The following SLC26A5 variants were observed in gnomAD, a reference collection of about 807,000 sequenced individuals.
SLC26A5 encodes the protein prestin.
A neutral mutation model predicts 81.0 loss-of-function variants in SLC26A5; 51 were observed. The ratio of observed to expected loss-of-function variants is 0.63; its 90% CI spans 0.50 to 0.80. The LOEUF (loss-of-function observed/expected upper bound fraction) is 0.80, where lower values mean the gene tolerates loss of function less well. Among genes scored for constraint, SLC26A5 ranks in the 30% least tolerant of loss-of-function variants. SLC26A5 has a pLI of 0.00. For missense variants in SLC26A5, 771 were observed against 905.8 expected (o/e 0.85, Z 1.91); for synonymous variants, 325 against 332.8 (o/e 0.98, Z 0.25).
chr7:103,370,251 T>C (rs952365456), downstream of SLC26A5, among the ~76,000 whole-genome samples: 14 of 152,244 alleles, frequency 9.2e-5, no homozygotes, highest in African/African-American at 3.4e-4. Flanking sequence ...CAGTAAAGCA[T>C]ACAGGCTCAC....
intron 19 of SLC26A5, among the ~76,000 whole-genome samples, chr7:103,356,608 T>C (rs1053048443): frequency 5.9e-5 from 9 of 152,204 alleles, no homozygotes; most frequent in African/African-American, 2.2e-4. Context: ...TAAACATCTG[T>C]ATTTCTTTGA....
Position 103,376,872 on chromosome 7 carries a change from T to A in SLC26A5, c.1987-10A>T, listed in dbSNP as rs879750765. The A allele has an allele frequency of 3.8e-6, 6 of 1,576,696 alleles. No individual in the cohort carries two copies. Among genetic ancestry groups the A allele is most frequent in the Non-Finnish European group, 5.2e-6 (6 of 1,146,742 alleles). On this transcript the variant is annotated splice_polypyrimidine_tract_variant and intron_variant, in intron 18 of 19. Transcript: ENST00000306312. ...CATATTCTTTTACAATCTGTAATAATGTTGAAATAAAATTTAGTTTCTCTT... is the reference window on the plus strand; with the variant it reads ...CATATTCTTTTACAATCTGTAATAAAGTTGAAATAAAATTTAGTTTCTCTT...
chr7:103,358,431 A>C (rs1820167919), intron 19 of SLC26A5, among the ~76,000 whole-genome samples: 1 of 151,898 alleles, frequency 6.6e-6, no homozygotes, highest in Admixed American at 6.6e-5. Context: ...CTTATTCCTG[A>C]ATTCTCTTAT....
intron 2 of SLC26A5, among the ~76,000 whole-genome samples, chr7:103,421,988 A>C (rs1825388813): frequency 6.6e-6 from 1 of 152,204 alleles, no homozygotes; most frequent in African/African-American, 2.4e-5. Flanking sequence ...CCAATTCTAT[A>C]TTTATGGTTG....
At chr7:103,444,155 G>A (rs2116888075) in intron 1 of SLC26A5, among the ~76,000 whole-genome samples, 1 of 152,238 alleles carries the variant, frequency 6.6e-6, no homozygotes, top group East Asian at 1.9e-4. Flanking sequence ...CCAACAGAAT[G>A]GACTTACATA....
intron 8 of SLC26A5, among the ~76,000 whole-genome samples, chr7:103,403,918 C>T (rs556313826): frequency 6.6e-6 from 1 of 152,248 alleles, no homozygotes; most frequent in Admixed American, 6.5e-5. Flanking sequence ...TGCGGTGGCT[C>T]ACGCCTGTAA....
intron 19 of SLC26A5, chr7:103,364,458 G>T: frequency 1.2e-6 from 1 of 828,924 alleles, no homozygotes; most frequent in South Asian, 1.8e-5. Flanking sequence ...GCCCAGGCTG[G>T]AGTGCAGTGA....
intron 2 of SLC26A5, among the ~76,000 whole-genome samples, chr7:103,422,011 A>G (rs1488950631): frequency 6.6e-6 from 1 of 152,232 alleles, no homozygotes; most frequent in East Asian, 1.9e-4. Flanking sequence ...TACTCTTTAA[A>G]TTATTCTATG....
At chr7:103,432,936 G>A (rs1347393829) in intron 2 of SLC26A5, among the ~76,000 whole-genome samples, 1 of 152,156 alleles carries the variant, frequency 6.6e-6, no homozygotes, top group Non-Finnish European at 1.5e-5. Flanking sequence ...GAACCACAGA[G>A]GAAGTATAAT....
intron 14 of SLC26A5, among the ~76,000 whole-genome samples, chr7:103,386,642 T>C (rs550474979): frequency 6.6e-6 from 1 of 151,884 alleles, no homozygotes; most frequent in Non-Finnish European, 1.5e-5. Context: ...TAAATAAAAA[T>C]AAATAAAATT....
At chr7:103,416,462 T>G (rs1328217389) in intron 4 of SLC26A5, among the ~76,000 whole-genome samples, 1 of 152,258 alleles carries the variant, frequency 6.6e-6, no homozygotes, top group Non-Finnish European at 1.5e-5. Context: ...AGACTTTTAG[T>G]TAACCTTCTT....
At chr7:103,355,725 A>G in intron 19 of SLC26A5, 1 of 1,614,064 alleles carries the variant, frequency 6.2e-7, no homozygotes, top group Non-Finnish European at 8.5e-7. Context: ...GCCTGGCCCC[A>G]CCAGCACTCT....
intron 19 of SLC26A5, chr7:103,368,491 T>C (rs75807150): frequency 6.5e-6 from 1 of 154,254 alleles, no homozygotes; most frequent in Non-Finnish European, 1.4e-5. Flanking sequence ...CCTATGCTCC[T>C]ATTATCCGCT....
Position 103,377,626 on chromosome 7 carries a change from A to G in SLC26A5, c.1959T>C (p.Asp653=). ...CTGCCAGAGTTTTCACTCCAACAGA[A>G]TCAATAAAATTGACTTGAGTGAAAT... ...ILDFTQVNFI[D]SVGVKTLAGI... Residue 653 remains aspartate (D), a synonymous_variant, in exon 18 of 20, where the codon GAT becomes GAC. Coordinates refer to ENST00000306312, the MANE Select transcript of SLC26A5 (RefSeq NM_198999.3). 1 of 1,614,114 alleles carries G rather than the reference A, an allele frequency of 6.2e-7. No individual in the cohort carries two copies. The highest frequency in any genetic ancestry group is 8.5e-7 in the Non-Finnish European group (1 of 1,179,994).
At chr7:103,428,933 T>G (rs927555875) in intron 2 of SLC26A5, among the ~76,000 whole-genome samples, 1 of 152,192 alleles carries the variant, frequency 6.6e-6, no homozygotes, top group Non-Finnish European at 1.5e-5. Flanking sequence ...GTACTGTAGA[T>G]CTCTAGGATT....
chr7:103,388,190 A>G (rs1027728239), intron 14 of SLC26A5, among the ~76,000 whole-genome samples: 21 of 147,116 alleles, frequency 1.4e-4, no homozygotes, highest in African/African-American at 5.3e-4. Flanking sequence ...CCCAGCCCAT[A>G]AAGTTTTTTT....
At chr7:103,426,698 G>A (rs79441780) in intron 2 of SLC26A5, among the ~76,000 whole-genome samples, 4 of 152,060 alleles carry the variant, frequency 2.6e-5, no homozygotes, top group Admixed American at 2.0e-4. Context: ...TCCTTTCGGG[G>A]GACTTTTTAT....
At position 103,391,663 on chromosome 7, in the gene SLC26A5, A is replaced by C; in HGVS notation, c.1192T>G (p.Ser398Ala). The change falls in exon 11 of 20, where the codon TCT becomes GCT. Residue 398 changes from serine (S) to alanine (A), a missense_variant. Physicochemically the swap from Ser to Ala is moderately conservative, Grantham distance 99. Coordinates refer to ENST00000306312, the MANE Select transcript of SLC26A5 (RefSeq NM_198999.3). ...FQTFSISCSLSRSLVQEGTGG... is the reference protein window; with the variant it reads ...FQTFSISCSLARSLVQEGTGG... ...GTTCCCTCCTGAACAAGGCTTCGAG[A>C]CAAGGAGCATGAAATTGAAAAGGTC... 1 of 1,614,234 alleles carries C rather than the reference A, an allele frequency of 6.2e-7. No individual in the cohort carries two copies. Among genetic ancestry groups the C allele is most frequent in the Non-Finnish European group, 8.5e-7 (1 of 1,180,044 alleles).
intron 8 of SLC26A5, among the ~76,000 whole-genome samples, chr7:103,404,937 A>G (rs915010620): frequency 6.6e-6 from 1 of 151,292 alleles, no homozygotes; most frequent in African/African-American, 2.4e-5. Flanking sequence ...CATTAAGTTG[A>G]TCTTCAATCT....
Sources: allele counts gnomAD v4.1 joint callset (sites outside exome capture counted in the v4.1 genomes callset), GRCh38; gene constraint gnomAD v4.1.1; transcripts MANE v1.5; gene names NCBI Gene and HGNC (gene_info 2026-07-23, HGNC 2026-07-21).